The following SUPT7L variants were observed in gnomAD, a reference collection of about 807,000 sequenced individuals.
The protein encoded by SUPT7L is SPT7 like, STAGA complex subunit gamma.
A neutral mutation model predicts 35.7 loss-of-function variants in SUPT7L; 15 were observed. The observed-to-expected ratio is 0.42, with a 90% confidence interval of 0.28 to 0.65. SUPT7L has a LOEUF of 0.65. Among genes scored for constraint, SUPT7L ranks in the 30% least tolerant of loss-of-function variants. The pLI is 0.23. For synonymous variants in SUPT7L, 168 were observed against 186.2 expected (o/e 0.90, Z 0.79); for missense variants, 434 against 522.2 (o/e 0.83, Z 1.65).
In SUPT7L at chr2:27,654,028, G is replaced by A. The variant is rs113536643; in HGVS notation, c.983-281C>T. On this transcript the variant is annotated intron_variant, in intron 5 of 5. Coordinates refer to ENST00000337768, the MANE Select transcript of SUPT7L (RefSeq NM_014860.3). ...CCCTAAACCAGGGAAGTGAAACTAG[G>A]CAGGTGGAAAGATCCCCTGTCTCAC... Among the ~76,000 whole-genome samples the A allele has an allele frequency of 6.2e-3, 949 of 152,138 alleles. 13 individuals carry two copies. Among genetic ancestry groups the A allele is most frequent in the African/African-American group, 0.02 (833 of 41,500 alleles).
chr2:27,646,109 T>C (rs1393837448), downstream of SUPT7L, among the ~76,000 whole-genome samples: 1 of 152,196 alleles, frequency 6.6e-6, no homozygotes, highest in Non-Finnish European at 1.5e-5. Flanking sequence ...TGGCGCGATC[T>C]CGGCTCACTG....
chr2:27,657,678 G>A lies in SUPT7L; in HGVS notation c.420-9C>T. On this transcript the variant is annotated splice_polypyrimidine_tract_variant and intron_variant, in intron 3 of 5. Transcript: ENST00000337768. This position sits in a 1 kb window ranked among gnomAD's most constrained non-coding sequence, Gnocchi z 5.2. ...CAGGTTCCCCTTTCCCACTGAAAGT[G>A]GAGATACGGTGGTGTTATTAATGTT... 1 of 1,607,776 alleles carries A rather than the reference G, an allele frequency of 6.2e-7. No homozygotes were observed. Among genetic ancestry groups the A allele is most frequent in the Non-Finnish European group, 8.5e-7 (1 of 1,176,182 alleles).
chr2:27,646,381 T>G (rs1171313630), downstream of SUPT7L, among the ~76,000 whole-genome samples: 1 of 152,206 alleles, frequency 6.6e-6, no homozygotes, highest in East Asian at 1.9e-4. Flanking sequence ...CCTTCTTCAT[T>G]ACTGTTGAAA....
downstream of SUPT7L, among the ~76,000 whole-genome samples, chr2:27,648,233 G>T (rs1161735520): frequency 1.3e-5 from 2 of 152,148 alleles, no homozygotes; most frequent in Non-Finnish European, 2.9e-5. Flanking sequence ...TTAAGAATAT[G>T]TAAGGGCTGG....
In SUPT7L at chr2:27,657,740, G is replaced by A; in HGVS notation, c.420-71C>T. 1 of 1,418,178 alleles carries A rather than the reference G, an allele frequency of 7.1e-7. No individual in the cohort carries two copies. The highest frequency in any genetic ancestry group is 9.5e-7 in the Non-Finnish European group (1 of 1,056,756). The allele number at this position is 1,418,178 out of a possible 1,614,324, so 87.8% of individuals were successfully genotyped here. On this transcript the variant is annotated intron_variant, in intron 3 of 5. Coordinates refer to ENST00000337768, the MANE Select transcript of SUPT7L (RefSeq NM_014860.3). The surrounding 1 kb of genome is among the most constrained non-coding windows in gnomAD (Gnocchi z 5.2). ...GTGACCCCTCCTGTCTTCCCCAGGA[G>A]TTTTACAATTCCAGTCAAGCCACTG...
Position 27,653,339 on chromosome 2 carries a change from G to T in SUPT7L, c.*146C>A. ...CAAAAGTAAAATGCAACCTTGTTTG[G>T]TGACGTCCAGTTCCTCTGGAATTAG... is the stretch of plus-strand genomic sequence containing the variant. On this transcript the variant is annotated 3_prime_UTR_variant, in exon 6 of 6. Coordinates refer to ENST00000337768, the MANE Select transcript of SUPT7L (RefSeq NM_014860.3). 8.5e-7 allele frequency: 1 copy of T among 1,173,482 alleles called. No individual in the cohort carries two copies. Among genetic ancestry groups the T allele is most frequent in the Non-Finnish European group, 1.2e-6 (1 of 847,934 alleles). 72.7% of individuals were successfully genotyped at this position (1,173,482 alleles called of 1,614,324 possible).
chr2:27,656,844 G>C (rs899692276), intron 4 of SUPT7L, among the ~76,000 whole-genome samples: 3 of 151,894 alleles, frequency 2.0e-5, no homozygotes, highest in African/African-American at 7.3e-5. Flanking sequence ...TCACTATATT[G>C]TCCAGGCTGG....
chr2:27,661,381 C>T lies in SUPT7L; in HGVS notation c.22G>A (p.Gly8Arg), dbSNP rs1302941143. ...TGGCTTGATGATATTGGTATCTCTC[C>T]CCAGTATCTCAACATTTTGGAATAA... MNLQRYW[G>R]EIPISSSQTN... Residue 8 changes from glycine to arginine, a missense_variant, in exon 3 of 6, where the codon GGA (glycine) becomes AGA (arginine). Physicochemically the swap from Gly to Arg is moderately radical, Grantham distance 125. Transcript: ENST00000337768. The T allele has an allele frequency of 2.5e-6, 4 of 1,613,496 alleles. No individual in the cohort carries two copies. The highest frequency in any genetic ancestry group is 3.3e-5 in the Admixed American group (2 of 59,990).
rs563793022 is a variant in SUPT7L, at chr2:27,663,588, G to A, written c.-349C>T. ...TGAGGCAAGGATCGCGTCAGACCCC[G>A]AAAGCTGGTTTGTTGATTAGTGATC... On this transcript the variant is annotated 5_prime_UTR_variant, in exon 1 of 6. Coordinates refer to ENST00000337768, the MANE Select transcript of SUPT7L (RefSeq NM_014860.3). The A allele has an allele frequency of 1.6e-5, 10 of 640,646 alleles. No individual in the cohort carries two copies. In the African/African-American group the frequency reaches 1.6e-4, roughly 11 times the overall value. 39.7% of individuals were successfully genotyped at this position (640,646 alleles called of 1,614,324 possible).
At chr2:27,647,728 A>G (rs993961564), downstream of SUPT7L, 6 of 669,530 alleles carry the variant, frequency 9.0e-6, no homozygotes, top group Non-Finnish European at 1.6e-5. Flanking sequence ...TCCTGCGTTT[A>G]TATGTATCAT....
Position 27,651,266 on chromosome 2 carries a change from T to C in SUPT7L, c.*2219A>G, listed in dbSNP as rs1043146676. 1 of 152,240 alleles carries C rather than the reference T, an allele frequency of 6.6e-6. No homozygotes were observed. The highest frequency in any genetic ancestry group is 2.4e-5 in the African/African-American group (1 of 41,454). 9.4% of individuals were successfully genotyped at this position (152,240 alleles called of 1,614,324 possible). A position where few individuals can be genotyped will look rare whatever the true frequency, so the allele number is the denominator to read the frequency against. On this transcript the variant is annotated 3_prime_UTR_variant, in exon 6 of 6. Transcript: ENST00000337768. ...AGGAGCATCAGCATCATCTGGGGAA[T>C]TGTTCAACTTACCTCTTATAACCTA...
In SUPT7L at chr2:27,657,692, G is replaced by A. The variant is rs1184397518; in HGVS notation, c.420-23C>T. The A allele has an allele frequency of 3.1e-6, 5 of 1,589,878 alleles. No homozygotes were observed. In the Admixed American group the frequency reaches 6.9e-5, roughly 22 times the overall value. ...CCACTGAAAGTGGAGATACGGTGGT[G>A]TTATTAATGTTCTTGCAAAGGGGTG... On this transcript the variant is annotated intron_variant, in intron 3 of 5. Transcript: ENST00000337768. This position sits in a 1 kb window ranked among gnomAD's most constrained non-coding sequence, Gnocchi z 5.2.
downstream of SUPT7L, chr2:27,650,363 A>C (rs980809099): frequency 2.0e-6 from 1 of 506,948 alleles, no homozygotes; most frequent in Non-Finnish European, 3.6e-6. Context: ...AGATGAAGTC[A>C]GGGATAGAAG....
At chr2:27,647,609 C>T (rs1348684640), downstream of SUPT7L, among the ~76,000 whole-genome samples, 1 of 152,136 alleles carries the variant, frequency 6.6e-6, no homozygotes, top group Non-Finnish European at 1.5e-5. Flanking sequence ...TTTCCCTCAG[C>T]TTAAAAAAAT....
intron 3 of SUPT7L, among the ~76,000 whole-genome samples, chr2:27,658,330 G>C (rs1674895610): frequency 6.6e-6 from 1 of 152,082 alleles, no homozygotes; most frequent in Non-Finnish European, 1.5e-5. Context: ...GGGCTGACTT[G>C]CCAAAATTTG....
At position 27,652,490 on chromosome 2, in the gene SUPT7L, C is replaced by T. The variant is rs1480269286; in HGVS notation, c.*995G>A. The T allele has an allele frequency of 6.6e-6, 1 of 152,344 alleles. No individual in the cohort carries two copies. The highest frequency in any genetic ancestry group is 2.4e-5 in the African/African-American group (1 of 41,450). 9.4% of individuals were successfully genotyped at this position (152,344 alleles called of 1,614,324 possible). On this transcript the variant is annotated 3_prime_UTR_variant, in exon 6 of 6. Coordinates refer to ENST00000337768, the MANE Select transcript of SUPT7L (RefSeq NM_014860.3). ...ATTCCTAATCACTACAGTGCTACAT[C>T]ATTTACTTAATAAATACTGATTCAG...
downstream of SUPT7L, among the ~76,000 whole-genome samples, chr2:27,646,956 A>C (rs1173462607): frequency 1.3e-5 from 2 of 152,238 alleles, no homozygotes; most frequent in Non-Finnish European, 2.9e-5. Context: ...GTCAATGTTA[A>C]AACTACTGCT....
At position 27,663,538 on chromosome 2, in the gene SUPT7L, G is replaced by C. The variant is rs1572985346; in HGVS notation, c.-299C>G. On this transcript the variant is annotated 5_prime_UTR_variant, in exon 1 of 6. Coordinates refer to ENST00000337768, the MANE Select transcript of SUPT7L (RefSeq NM_014860.3). ...ACTGCTGCGTCGCAGAGCGGGCTGG[G>C]CGGCTGTCTGGACCTCGAGAGGCCT... 1.8e-6 allele frequency: 1 copy of C among 551,332 alleles called. No homozygotes were observed. The highest frequency in any genetic ancestry group is 2.1e-5 in the South Asian group (1 of 48,566). 34.2% of individuals were successfully genotyped at this position (551,332 alleles called of 1,614,324 possible). A position where few individuals can be genotyped will look rare whatever the true frequency, so the allele number is the denominator to read the frequency against.
At chr2:27,650,382 A>G, downstream of SUPT7L, 1 of 464,986 alleles carries the variant, frequency 2.2e-6, no homozygotes, top group South Asian at 2.9e-5. Context: ...AGACCCTTGG[A>G]CCTGGCAGGT....
Sources: allele counts gnomAD v4.1 joint callset (sites outside exome capture counted in the v4.1 genomes callset), GRCh38; gene constraint gnomAD v4.1.1; non-coding constraint Gnocchi (gnomAD v3.1); transcripts MANE v1.5; gene names NCBI Gene and HGNC (gene_info 2026-07-23, HGNC 2026-07-21).